LMO7: variants seen among roughly 807,000 people sequenced by gnomAD.
The protein encoded by LMO7 is LIM domain 7.
A neutral mutation model predicts 206.5 loss-of-function variants in LMO7; 120 were observed. That is an observed-to-expected ratio of 0.58 (90% CI 0.50 to 0.68). The LOEUF (loss-of-function observed/expected upper bound fraction) is 0.68. LMO7 is among the 30% of genes least tolerant of loss of function. LMO7 has a pLI of 0.00. For missense variants in LMO7, 1,959 were observed against 1,957.9 expected (o/e 1.00, Z -0.01); for synonymous variants, 706 against 681.5 (o/e 1.04, Z -0.56).
chr13:75,633,826 G>A (rs910655896), upstream of LMO7, among the ~76,000 whole-genome samples: 1 of 147,488 alleles, frequency 6.8e-6, no homozygotes, highest in Non-Finnish European at 1.5e-5. Context: ...TGTTTATGTA[G>A]GAACGTGTCT....
intron 29 of LMO7, 73 bp downstream of exon 29, chr13:75,855,441 G>A (rs150350958): frequency 1.9e-5 from 16 of 849,326 alleles, no homozygotes; most frequent in Non-Finnish European, 2.9e-5. Context: ...TTGAGCCGCT[G>A]GGTGTAGATG....
At chr13:75,831,483 A>G (rs767284456) in intron 15 of LMO7, among the ~76,000 whole-genome samples, 1 of 152,198 alleles carries the variant, frequency 6.6e-6, no homozygotes, top group Non-Finnish European at 1.5e-5. Flanking sequence ...TAATGTTGCT[A>G]TAACAGAATA....
chr13:75,822,610 C>T (rs2057687349), intron 14 of LMO7, among the ~76,000 whole-genome samples: 1 of 151,372 alleles, frequency 6.6e-6, no homozygotes, highest in African/African-American at 2.4e-5. Context: ...GTTCAGCTTC[C>T]CTGGAGCAAG....
At position 75,805,499 on chromosome 13, in the gene LMO7, G is replaced by T; in HGVS notation, c.935G>T (p.Gly312Val). ...AACAGTAATCAGAGGAGGATTTGGG[G>T]CACCAATGTGGAGAACTGGCCAACT... is the stretch of plus-strand genomic sequence containing the variant. ...TFSSNQRRIW[G>V]TNVENWPTVQ... The change falls in exon 9 of 31, where the codon GGC becomes GTC. Residue 312 changes from glycine to valine, a missense_variant. Coordinates refer to ENST00000377534, the MANE Select transcript of LMO7 (RefSeq NM_001306080.2). The T allele has an allele frequency of 6.2e-7, 1 of 1,613,904 alleles. No homozygotes were observed.
In LMO7 at chr13:75,800,684, G is replaced by A; in HGVS notation, c.463G>A (p.Ala155Thr). 1 of 1,613,454 alleles carries A rather than the reference G, an allele frequency of 6.2e-7. No homozygotes were observed. The highest frequency in any genetic ancestry group is 8.5e-7 in the Non-Finnish European group (1 of 1,179,610). The change falls in exon 7 of 31, where the codon GCA (alanine) becomes ACA (threonine). Residue 155 changes from alanine to threonine, a missense_variant and splice_region_variant. Physicochemically the swap from Ala to Thr is moderately conservative, Grantham distance 58 (BLOSUM62 0). Transcript: ENST00000377534. The stretch of plus-strand genomic sequence containing the variant: ...ATTCTTTAAAAAACGTTTTCTTTAG[G>A]CACTCGAAGACTCCAGCTTCCTGAA... The part of the protein sequence containing the change: ...ENLLGQALTK[A>T]LEDSSFLKRS...
chr13:75,802,108 T>C (rs1043662302), intron 7 of LMO7, among the ~76,000 whole-genome samples: 5 of 152,226 alleles, frequency 3.3e-5, no homozygotes, highest in African/African-American at 1.2e-4. Context: ...GTTTTACTTC[T>C]GATGTGAAAC....
At chr13:75,731,530 T>C (rs976009942) in intron 3 of LMO7, among the ~76,000 whole-genome samples, 17 of 152,268 alleles carry the variant, frequency 1.1e-4, no homozygotes, top group East Asian at 1.9e-4. Flanking sequence ...TGTCTCTGCA[T>C]GTGAGATGGG....
At chr13:75,722,398 A>T (rs557118018) in intron 2 of LMO7, among the ~76,000 whole-genome samples, 22 of 152,162 alleles carry the variant, frequency 1.4e-4, no homozygotes, top group Non-Finnish European at 3.2e-4. Context: ...TAAATAGACA[A>T]TTCTCAAAAG....
At chr13:75,667,453 C>T (rs974392799) in intron 1 of LMO7, among the ~76,000 whole-genome samples, 20 of 152,214 alleles carry the variant, frequency 1.3e-4, no homozygotes, top group African/African-American at 4.8e-4. Flanking sequence ...TTGTCAATCT[C>T]TTATCTTTCT....
intron 15 of LMO7, among the ~76,000 whole-genome samples, chr13:75,830,174 A>G (rs3783025): frequency 0.13 from 19,912 of 152,200 alleles, 1,715 homozygotes; most frequent in Admixed American, 0.22. Context: ...GAAATCATTG[A>G]TGAACAATTT....
intron 3 of LMO7, among the ~76,000 whole-genome samples, chr13:75,748,025 G>T (rs1002265709): frequency 6.6e-5 from 10 of 152,156 alleles, no homozygotes; most frequent in Admixed American, 3.9e-4. Flanking sequence ...TCAAATGTAG[G>T]TGTTACTTGG....
At chr13:75,691,143 A>T (rs1355249651) in intron 1 of LMO7, among the ~76,000 whole-genome samples, 2 of 151,686 alleles carry the variant, frequency 1.3e-5, no homozygotes, top group African/African-American at 4.8e-5. Flanking sequence ...CAAAACTAGA[A>T]GATTTCTGTA....
chr13:75,808,478 C>T (rs1012239528), intron 10 of LMO7, among the ~76,000 whole-genome samples: 6 of 152,138 alleles, frequency 3.9e-5, no homozygotes, highest in Non-Finnish European at 7.3e-5. Context: ...GTACTATCCA[C>T]CAATATGAAG....
intron 4 of LMO7, among the ~76,000 whole-genome samples, chr13:75,773,724 G>A (rs981191103): frequency 1.3e-5 from 2 of 152,138 alleles, no homozygotes; most frequent in African/African-American, 4.8e-5. Context: ...TGTGTTGGAT[G>A]TGACAGTAGA....
chr13:75,642,849 TCA>T (rs1414102152), intron 1 of LMO7, among the ~76,000 whole-genome samples: 1 of 152,164 alleles, frequency 6.6e-6, no homozygotes, highest in African/African-American at 2.4e-5. Flanking sequence ...CTATTTTTTC[TCA>T]GATTATTAGT....
At position 75,841,722 on chromosome 13, in the gene LMO7, C is replaced by G. The variant is rs1177061588; in HGVS notation, c.3770C>G (p.Ser1257Cys). ...GCTACCTGGAGTGAAGGGTCCAAGT[C>G]TTCAGACAGAGAAGGAACCCGAGCA... ...WEATWSEGSK[S>C]SDREGTRAGE... Residue 1257 changes from serine to cysteine, a missense_variant, in exon 24 of 31, where the codon TCT becomes TGT. Coordinates refer to ENST00000377534, the MANE Select transcript of LMO7 (RefSeq NM_001306080.2). The G allele has an allele frequency of 2.5e-6, 4 of 1,614,060 alleles. No individual in the cohort carries two copies. Among genetic ancestry groups the G allele is most frequent in the Admixed American group, 1.7e-5 (1 of 60,022 alleles).
intron 11 of LMO7, among the ~76,000 whole-genome samples, chr13:75,814,160 A>G (rs949069434): frequency 2.0e-5 from 3 of 152,228 alleles, no homozygotes; most frequent in African/African-American, 7.2e-5. Context: ...AGTCCTTAAT[A>G]AATCCTATAA....
intron 3 of LMO7, among the ~76,000 whole-genome samples, chr13:75,745,688 G>A (rs1257233791): frequency 1.3e-5 from 2 of 152,146 alleles, no homozygotes; most frequent in Non-Finnish European, 2.9e-5. Context: ...CTGTGAATGG[G>A]CCTCATCCAG....
intron 14 of LMO7, among the ~76,000 whole-genome samples, 194 bp downstream of exon 14, chr13:75,821,803 C>G (rs908744918): frequency 2.6e-5 from 4 of 152,102 alleles, no homozygotes; most frequent in African/African-American, 4.8e-5. Context: ...ATTTATTAAA[C>G]TTTAAATTCT....
Sources: gnomAD v4.1 joint callset for allele counts (sites outside exome capture counted in the v4.1 genomes callset) on GRCh38, gnomAD v4.1.1 for gene constraint, MANE v1.5 for transcripts, NCBI Gene and HGNC (gene_info 2026-07-23, HGNC 2026-07-21) for gene names.